The following PTCHD4 variants were observed in gnomAD, a reference collection of about 807,000 sequenced individuals.
The protein encoded by PTCHD4 is patched domain containing 4, also known as patched domain-containing protein 4.
A neutral mutation model predicts 58.1 loss-of-function variants in PTCHD4; 33 were observed. The observed-to-expected ratio is 0.57, with a 90% CI of 0.43 to 0.76. The LOEUF (loss-of-function observed/expected upper bound fraction) is 0.76. PTCHD4 is among the 30% of genes least tolerant of loss of function. The pLI is 0.00. For missense variants in PTCHD4, 1,058 were observed against 1,027.1 expected (o/e 1.03, Z -0.41); for synonymous variants, 478 against 409.6 (o/e 1.17, Z -2.02).
intron 3 of PTCHD4, among the ~76,000 whole-genome samples, chr6:48,061,745 C>T (rs1764633764): frequency 6.6e-6 from 1 of 152,166 alleles, no homozygotes; most frequent in Admixed American, 6.5e-5. Context: ...ATTTGGCATG[C>T]TTTTAAGTCA....
At chr6:47,950,449 T>C (rs1766598538) in intron 4 of PTCHD4, among the ~76,000 whole-genome samples, 1 of 151,886 alleles carries the variant, frequency 6.6e-6, no homozygotes, top group Non-Finnish European at 1.5e-5. Context: ...ATTTTGAAGG[T>C]AGAGATGAAA....
In PTCHD4 at chr6:48,008,909, T is replaced by C. The variant is rs932366383; in HGVS notation, c.623A>G (p.Glu208Gly). 10 of 1,613,874 alleles carry C rather than the reference T, an allele frequency of 6.2e-6. No individual in the cohort carries two copies. In the African/African-American group the frequency reaches 8.0e-5, roughly 13 times the overall value. Residue 208 changes from glutamate (E) to glycine (G), a missense_variant, in exon 4 of 5, where the codon GAA becomes GGA. Physicochemically the swap from Glu to Gly is moderately conservative, Grantham distance 98. Coordinates refer to ENST00000339488, the MANE Select transcript of PTCHD4 (RefSeq NM_001384253.1). ...LIRKLQEEHQELQLYSLASFS... is the reference protein window; with the variant it reads ...LIRKLQEEHQGLQLYSLASFS... ...GGATGCTAAAGAGTAGAGCTGGAGT[T>C]CTTGATGCTCCTCCTGGAGCTTCCT...
chr6:47,907,156 G>C (rs1357005141), intron 4 of PTCHD4, among the ~76,000 whole-genome samples: 1 of 152,140 alleles, frequency 6.6e-6, no homozygotes, highest in Non-Finnish European at 1.5e-5. Context: ...AGGGGTTTTG[G>C]AAATGACTGT....
At position 47,867,622 on chromosome 6, in the gene PTCHD4, T is replaced by C. The variant is rs776925833; in HGVS notation, c.*10681A>G. On this transcript the variant is annotated 3_prime_UTR_variant, in exon 5 of 5. Coordinates refer to ENST00000339488, the MANE Select transcript of PTCHD4 (RefSeq NM_001384253.1). ...TGGGTTGCTATCATCTCATCTGTTA[T>C]AGCCTTCATCCTGGACAACCTGCTT... 7.9e-5 allele frequency among the ~76,000 whole-genome samples: 12 copies of C among 151,814 alleles called. No individual in the cohort carries two copies. The highest frequency in any genetic ancestry group is 1.3e-4 in the Admixed American group (2 of 15,196).
At chr6:47,933,057 C>A (rs1049029951) in intron 4 of PTCHD4, among the ~76,000 whole-genome samples, 3 of 152,186 alleles carry the variant, frequency 2.0e-5, no homozygotes, top group Admixed American at 2.0e-4. Flanking sequence ...CACTTGTGAT[C>A]ACAGTCAGGT....
chr6:47,943,569 A>C (rs1000475331), intron 4 of PTCHD4, among the ~76,000 whole-genome samples: 1 of 152,122 alleles, frequency 6.6e-6, no homozygotes, highest in African/African-American at 2.4e-5. Flanking sequence ...TCTCAAGCTC[A>C]TGTGCCTGGA....
At chr6:48,006,209 G>T (rs1453619519) in intron 4 of PTCHD4, among the ~76,000 whole-genome samples, 1 of 152,148 alleles carries the variant, frequency 6.6e-6, no homozygotes, top group African/African-American at 2.4e-5. Context: ...GTTTATTTAT[G>T]ATTCTAAAAG....
chr6:48,010,334 A>G (rs186891150), intron 3 of PTCHD4, among the ~76,000 whole-genome samples: 11 of 152,302 alleles, frequency 7.2e-5, no homozygotes, highest in South Asian at 4.1e-4. Flanking sequence ...GCAGAAGACA[A>G]CAAACTCAAT....
At chr6:47,939,723 G>C (rs529945884) in intron 4 of PTCHD4, among the ~76,000 whole-genome samples, 3 of 152,034 alleles carry the variant, frequency 2.0e-5, no homozygotes, top group Non-Finnish European at 4.4e-5. Flanking sequence ...TTGGGAGGAT[G>C]TATGAGTTAA....
At chr6:48,083,156 A>G (rs1007793235) in intron 1 of PTCHD4, among the ~76,000 whole-genome samples, 5 of 150,552 alleles carry the variant, frequency 3.3e-5, no homozygotes, top group African/African-American at 1.2e-4. Flanking sequence ...ATATATTCAT[A>G]TATACATATT....
chr6:47,879,752 C>T lies in PTCHD4; in HGVS notation c.1083G>A (p.Val361=), dbSNP rs534073402. The T allele has an allele frequency of 6.8e-5, 110 of 1,613,698 alleles. No homozygotes were observed. Among genetic ancestry groups the T allele is most frequent in the Non-Finnish European group, 8.8e-5 (104 of 1,179,782 alleles). Residue 361 remains valine, a synonymous_variant, in exon 5 of 5, where the codon GTG becomes GTA. Coordinates refer to ENST00000339488, the MANE Select transcript of PTCHD4 (RefSeq NM_001384253.1). ...GASPFTNIEA[V]KVFCQNMCVS... is the part of the protein sequence containing the mutation. ...CACACATGTTTTGACAGAAGACCTT[C>T]ACAGCCTCTATGTTTGTGAATGGGC...
At position 47,871,494 on chromosome 6, in the gene PTCHD4, A is replaced by C. The variant is rs11964896; in HGVS notation, c.*6809T>G. ...TACTCTCTTTCTGAGTCAATTTTTG[A>C]GCTCTGGGATATCTGTAGGGAGACA... On this transcript the variant is annotated 3_prime_UTR_variant, in exon 5 of 5. Coordinates refer to ENST00000339488, the MANE Select transcript of PTCHD4 (RefSeq NM_001384253.1). 0.67 allele frequency among the ~76,000 whole-genome samples: 100,867 copies of C among 151,376 alleles called. 34,091 individuals are homozygous for C. The highest frequency in any genetic ancestry group is 0.78 in the East Asian group (3,995 of 5,114).
Position 47,878,289 on chromosome 6 carries a change from C to G in PTCHD4, c.*14G>C. ...AATACTGGAAAAGAAAAATAATCCA[C>G]TGGTCTATACCCCTCATACTGTGGT... On this transcript the variant is annotated 3_prime_UTR_variant, in exon 5 of 5. Transcript: ENST00000339488. 1 of 1,543,786 alleles carries G rather than the reference C, an allele frequency of 6.5e-7. No individual in the cohort carries two copies. The highest frequency in any genetic ancestry group is 8.7e-7 in the Non-Finnish European group (1 of 1,149,670).
chr6:48,034,361 A>G (rs1763554945), intron 3 of PTCHD4, among the ~76,000 whole-genome samples: 1 of 152,088 alleles, frequency 6.6e-6, no homozygotes, highest in South Asian at 2.1e-4. Flanking sequence ...CTGGGTGACT[A>G]CATGTGGTTG....
intron 4 of PTCHD4, among the ~76,000 whole-genome samples, chr6:47,895,815 C>G (rs889530987): frequency 6.6e-6 from 1 of 152,012 alleles, no homozygotes; most frequent in Non-Finnish European, 1.5e-5. Flanking sequence ...ACTTCGAATA[C>G]TGGAGATAGT....
chr6:47,951,729 G>C (rs573894862), intron 4 of PTCHD4, among the ~76,000 whole-genome samples: 3 of 151,888 alleles, frequency 2.0e-5, no homozygotes, highest in Admixed American at 6.6e-5. Context: ...CAGCTTGCCA[G>C]AAAACAGAAG....
At position 47,867,850 on chromosome 6, in the gene PTCHD4, T is replaced by TTCTG. The variant is rs1189701103; in HGVS notation, c.*10449_*10452dup. ...CTATGAATAGTTTAGTGGTATTTTC[T>TTCTG]TCTGAGCCTAGCACAGAGACCAATA... On this transcript the variant is annotated 3_prime_UTR_variant, in exon 5 of 5. Coordinates refer to ENST00000339488, the MANE Select transcript of PTCHD4 (RefSeq NM_001384253.1). Among the ~76,000 whole-genome samples, 2 of 151,800 alleles carry TTCTG rather than the reference T, an allele frequency of 1.3e-5. No individual in the cohort carries two copies. Among genetic ancestry groups the TTCTG allele is most frequent in the African/African-American group, 4.8e-5 (2 of 41,388 alleles).
In PTCHD4 at chr6:47,930,348, G is replaced by C. The variant is rs555446381; in HGVS notation, c.899-50412C>G. 2.0e-5 allele frequency among the ~76,000 whole-genome samples: 3 copies of C among 152,150 alleles called. No individual in the cohort carries two copies. In the South Asian group the frequency reaches 6.2e-4, roughly 32 times the overall value. ...TTTCGTTTTGTATACAGATGTTTAG[G>C]ATCTGATATAAAGTCTGTAAAACAG... is the stretch of plus-strand genomic sequence containing the variant. On this transcript the variant is annotated intron_variant, in intron 4 of 4. Coordinates refer to ENST00000339488, the MANE Select transcript of PTCHD4 (RefSeq NM_001384253.1).
chr6:48,100,258 G>T (rs1765573549), intron 1 of PTCHD4, among the ~76,000 whole-genome samples: 1 of 152,116 alleles, frequency 6.6e-6, no homozygotes, highest in Non-Finnish European at 1.5e-5. Context: ...CTTCAAATAT[G>T]TATTAAATTT....
Sources: allele counts gnomAD v4.1 joint callset (sites outside exome capture counted in the v4.1 genomes callset), GRCh38; gene constraint gnomAD v4.1.1; transcripts MANE v1.5; gene names NCBI Gene and HGNC (gene_info 2026-07-23, HGNC 2026-07-21).